The following TEX14 variants were observed in gnomAD, a reference collection of about 807,000 sequenced individuals.
TEX14 encodes inactive serine/threonine-protein kinase TEX14.
Under a neutral mutation model 178.6 loss-of-function variants are expected in TEX14, and 168 were observed. The observed-to-expected ratio is 0.94, with a 90% CI of 0.83 to 1.07. The LOEUF (loss-of-function observed/expected upper bound fraction) is 1.07. TEX14 is among the 50% of genes least tolerant of loss of function. TEX14 has a pLI of 0.00. For missense variants in TEX14, 1,730 were observed against 1,753.6 expected (o/e 0.99, Z 0.24); for synonymous variants, 626 against 634.1 (o/e 0.99, Z 0.19).
At position 58,622,902 on chromosome 17, in the gene TEX14, CT is replaced by C; in HGVS notation, c.361del (p.Arg121GlyfsTer10). 1 of 1,613,366 alleles carries C rather than the reference CT, an allele frequency of 6.2e-7. No individual in the cohort carries two copies. Among genetic ancestry groups the C allele is most frequent in the Non-Finnish European group, 8.5e-7 (1 of 1,179,476 alleles). ...AGGDLRLHDE[R>X]GQNPKTWALT... ...AGCCCAAGTCTTCGGGTTTTGACCC[CT>C]CTCATCGTGGAGTCGCAGGTCACCT... On this transcript the variant is annotated frameshift_variant, in exon 4 of 32. Coordinates refer to ENST00000349033, the MANE Select transcript of TEX14 (RefSeq NM_031272.5). LOFTEE classifies it high-confidence loss of function.
In TEX14 at chr17:58,564,827, C is replaced by T. The variant is rs376261299; in HGVS notation, c.4064+42G>A. 31 of 1,267,020 alleles carry T rather than the reference C, an allele frequency of 2.4e-5. No individual in the cohort carries two copies. In the African/African-American group the frequency reaches 2.5e-4, roughly 10 times the overall value. 78.5% of individuals were successfully genotyped at this position (1,267,020 alleles called of 1,614,324 possible). Reference sequence around the variant, plus strand: ...AGAAAAAAACCTAACATAAACTATACAATTTTTTAAATCCTTTCAACAGTC... The same window carrying T: ...AGAAAAAAACCTAACATAAACTATATAATTTTTTAAATCCTTTCAACAGTC... On this transcript the variant is annotated intron_variant, in intron 28 of 31. Coordinates refer to ENST00000349033, the MANE Select transcript of TEX14 (RefSeq NM_031272.5).
chr17:58,620,915 G>A (rs565898173), intron 5 of TEX14, among the ~76,000 whole-genome samples: 1 of 152,294 alleles, frequency 6.6e-6, no homozygotes, highest in Admixed American at 6.5e-5. Flanking sequence ...TGAGAAGCCA[G>A]CAGCATCCAA....
chr17:58,603,887 CTG>C (rs71143257), intron 11 of TEX14, among the ~76,000 whole-genome samples: 6,434 of 104,996 alleles, frequency 0.061, 206 homozygotes, highest in Admixed American at 0.078. Context: ...TGTGATTTTA[CTG>C]TGTGTGTGTG....
chr17:58,592,063 CAAAAAAAAAAAAGAAA>C (rs2045156936), intron 15 of TEX14, among the ~76,000 whole-genome samples: 1 of 117,532 alleles, frequency 8.5e-6, no homozygotes, highest in African/African-American at 3.2e-5. Context: ...AACTCCATCT[CAAAAAAAAAAAAGAAA>C]GAAAAAAAAA....
At chr17:58,684,670 TAAATA>T (rs1567776465) in intron 1 of TEX14, among the ~76,000 whole-genome samples, 1 of 147,032 alleles carries the variant, frequency 6.8e-6, no homozygotes, top group African/African-American at 2.5e-5. Flanking sequence ...AATAAATAAA[TAAATA>T]AATAAAAAGC....
At chr17:58,588,565 G>A (rs1367121130) in intron 15 of TEX14, among the ~76,000 whole-genome samples, 4 of 152,112 alleles carry the variant, frequency 2.6e-5, no homozygotes, top group African/African-American at 7.2e-5. Context: ...GATTACAGGT[G>A]TGAGCCACCA....
At chr17:58,596,392 C>T (rs959280793) in intron 14 of TEX14, among the ~76,000 whole-genome samples, 2 of 152,066 alleles carry the variant, frequency 1.3e-5, no homozygotes, top group Non-Finnish European at 2.9e-5. Context: ...GGTGATCCTC[C>T]CACTTCAGCC....
intron 19 of TEX14, chr17:58,581,562 G>A (rs1273089126): frequency 1.9e-6 from 3 of 1,594,896 alleles, no homozygotes; most frequent in Non-Finnish European, 2.6e-6. Context: ...AAGAAATAAG[G>A]CAATGGAGAA....
chr17:58,677,620 T>C (rs1056298612), intron 1 of TEX14: 1 of 152,238 alleles, frequency 6.6e-6, no homozygotes, highest in Non-Finnish European at 1.5e-5. Context: ...AATTATGCAG[T>C]TGAGTATCCC....
chr17:58,611,525 C>T (rs1352266378), intron 9 of TEX14, among the ~76,000 whole-genome samples, 186 bp from the exon 10 acceptor site: 2 of 152,166 alleles, frequency 1.3e-5, no homozygotes, highest in Non-Finnish European at 2.9e-5. Context: ...GACTCAGGCC[C>T]CCTGGATCCA....
chr17:58,623,131 A>G (rs1485856279), intron 3 of TEX14, 119 bp from the exon 4 acceptor site: 6 of 811,094 alleles, frequency 7.4e-6, no homozygotes, highest in South Asian at 3.8e-5. Context: ...GACGAGGAAT[A>G]TAACAACATC....
chr17:58,573,062 A>G, intron 23 of TEX14, 119 bp downstream of exon 23: 2 of 1,422,512 alleles, frequency 1.4e-6, no homozygotes, highest in Admixed American at 4.5e-5. Context: ...GCCCTAAAGA[A>G]AAACCTTTGC....
intron 14 of TEX14, among the ~76,000 whole-genome samples, chr17:58,594,295 G>A (rs373805736): frequency 6.6e-6 from 1 of 151,356 alleles, no homozygotes; most frequent in Non-Finnish European, 1.5e-5. Context: ...TTTGTGGCAG[G>A]AGTAAAGGCC....
intron 10 of TEX14, among the ~76,000 whole-genome samples, chr17:58,610,827 AG>A (rs1319396996): frequency 6.6e-6 from 1 of 151,912 alleles, no homozygotes; most frequent in Non-Finnish European, 1.5e-5. Flanking sequence ...CGGAGGTTGC[AG>A]TGAGCCGAGA....
At chr17:58,614,335 C>T (rs138986623) in intron 8 of TEX14, among the ~76,000 whole-genome samples, 2,637 of 152,198 alleles carry the variant, frequency 0.017, 82 homozygotes, top group African/African-American at 0.06. Flanking sequence ...ACTGAAAATA[C>T]AAAAGTTAGC....
intron 28 of TEX14, among the ~76,000 whole-genome samples, chr17:58,562,929 A>C (rs1196907443): frequency 6.6e-6 from 1 of 152,074 alleles, no homozygotes; most frequent in Non-Finnish European, 1.5e-5. Context: ...AAAATTATCC[A>C]GGCATGTTGG....
rs751881007 is a variant in TEX14, at chr17:58,622,941, A to C, written c.323T>G (p.Leu108Arg). Reference protein sequence around the residue: ...FSGNQWILSKLLDAGGDLRLH... With the variant: ...FSGNQWILSKRLDAGGDLRLH... Reference sequence around the variant, plus strand: ...TCGCAGGTCACCTCCTGCATCCAGCAGTTTGCTAAGGATCCACTGATTGCC... The same window carrying C: ...TCGCAGGTCACCTCCTGCATCCAGCCGTTTGCTAAGGATCCACTGATTGCC... Residue 108 changes from leucine to arginine, a missense_variant, in exon 4 of 32, where the codon CTG becomes CGG. Around this residue, in one of 2 missense-constraint regions of TEX14, gnomAD observed 789 missense variants for 681.2 expected, o/e 1.16. Transcript: ENST00000349033. 1 of 1,612,984 alleles carries C rather than the reference A, an allele frequency of 6.2e-7. No individual in the cohort carries two copies. The highest frequency in any genetic ancestry group is 1.1e-5 in the South Asian group (1 of 91,060).
At chr17:58,579,795 C>A in intron 19 of TEX14, 64 bp from the exon 20 acceptor site, 1 of 1,270,280 alleles carries the variant, frequency 7.9e-7, no homozygotes, top group South Asian at 1.2e-5. Context: ...ATTAAAAGGT[C>A]AATAATTTCT....
At chr17:58,656,529 G>T (rs995168534) in intron 1 of TEX14, among the ~76,000 whole-genome samples, 1 of 152,104 alleles carries the variant, frequency 6.6e-6, no homozygotes, top group Non-Finnish European at 1.5e-5. Context: ...GGTGAGGCAG[G>T]TGGATCATGA....
Sources: allele counts gnomAD v4.1 joint callset (sites outside exome capture counted in the v4.1 genomes callset), GRCh38; gene constraint gnomAD v4.1.1; regional missense constraint gnomAD v4.1.1; transcripts MANE v1.5; gene names NCBI Gene and HGNC (gene_info 2026-07-23, HGNC 2026-07-21).